Variants in SNX25 observed in about 807,000 individuals in gnomAD.
The protein encoded by SNX25 is sorting nexin-25.
Under a neutral mutation model 113.7 loss-of-function variants are expected in SNX25, and 62 were observed. The observed-to-expected ratio is 0.55, with a 90% CI of 0.44 to 0.67. The LOEUF is 0.67. Ranked by LOEUF, SNX25 falls within the 30% of genes least tolerant of loss-of-function variation. The pLI is 0.00. For synonymous variants in SNX25, 421 were observed against 436.2 expected (o/e 0.97, Z 0.43); for missense variants, 1,014 against 1,161.0 (o/e 0.87, Z 1.84).
At position 185,336,298 on chromosome 4, in the gene SNX25, G is replaced by A. The variant is rs370841194; in HGVS notation, c.1915-3081G>A. 1.3e-3 allele frequency among the ~76,000 whole-genome samples: 194 copies of A among 152,284 alleles called. 4 individuals are homozygous for A. The South Asian group carries it at 0.039, about 30-fold the overall frequency. ...CCAAGCAGTGTACATTGTACCCAGT[G>A]TGTAGTCTTTTATCCCTCATCCCCC... On this transcript the variant is annotated intron_variant, in intron 10 of 18. Coordinates refer to ENST00000652585, the MANE Select transcript of SNX25 (RefSeq NM_001378034.2).
At chr4:185,375,518 A>ATATATATATATATATG in the SNX25 span, 7 of 126,916 alleles carry the variant, frequency 5.5e-5, no homozygotes, top group African/African-American at 2.0e-4. Context: ...ATATATATGT[A>ATATATATATATATATG]TATATATATG....
At chr4:185,370,619 A>G (rs773121771), downstream of SNX25, 7 of 1,606,334 alleles carry the variant, frequency 4.4e-6, no homozygotes, top group Non-Finnish European at 6.0e-6. Context: ...GGGTGAATTT[A>G]TATTTTGTTC....
Position 185,265,589 on chromosome 4 carries a change from A to G in SNX25, c.904+979A>G, listed in dbSNP as rs368247361. 3.1e-4 allele frequency among the ~76,000 whole-genome samples: 47 copies of G among 152,344 alleles called. No individual in the cohort carries two copies. The East Asian group carries it at 4.2e-3, about 14-fold the overall frequency. ...GACTGTGCACCACTGCAGACTTCAT[A>G]AACAGTGTACGCTTAGGCTACACTA... On this transcript the variant is annotated intron_variant, in intron 4 of 18. Coordinates refer to ENST00000652585, the MANE Select transcript of SNX25 (RefSeq NM_001378034.2).
chr4:185,258,540 A>C (rs562605156), intron 2 of SNX25, among the ~76,000 whole-genome samples: 5 of 152,320 alleles, frequency 3.3e-5, no homozygotes, highest in Admixed American at 6.5e-5. Flanking sequence ...ACACTTCATA[A>C]GTGTATTGCC....
chr4:185,281,380 A>C (rs1038072512), intron 5 of SNX25, among the ~76,000 whole-genome samples: 11 of 152,070 alleles, frequency 7.2e-5, no homozygotes, highest in Non-Finnish European at 1.5e-4. Flanking sequence ...ATCTAATTTA[A>C]TGTGTATAAC....
At chr4:185,333,853 G>A (rs1030942615) in intron 10 of SNX25, among the ~76,000 whole-genome samples, 3 of 151,766 alleles carry the variant, frequency 2.0e-5, no homozygotes, top group Admixed American at 6.6e-5. Context: ...AGACCAGCCT[G>A]GGCAACATAG....
chr4:185,258,791 G>T (rs756423107), intron 2 of SNX25, 57 bp from the exon 3 acceptor site: 11 of 1,416,364 alleles, frequency 7.8e-6, no homozygotes, highest in Non-Finnish European at 1.1e-5. Flanking sequence ...TAGAAATGCA[G>T]TCTTGGTGTT....
At chr4:185,214,019 C>G (rs1350814462) in intron 1 of SNX25, among the ~76,000 whole-genome samples, 1 of 151,682 alleles carries the variant, frequency 6.6e-6, no homozygotes, top group African/African-American at 2.4e-5. Flanking sequence ...ACCGAGTACC[C>G]CTACTTTCCT....
At chr4:185,286,296 T>G (rs2126605209) in intron 5 of SNX25, among the ~76,000 whole-genome samples, 1 of 152,180 alleles carries the variant, frequency 6.6e-6, no homozygotes, top group African/African-American at 2.4e-5. Flanking sequence ...TTTAATTTTT[T>G]GTAGAGATGA....
At chr4:185,285,183 T>A (rs1359288764) in intron 5 of SNX25, among the ~76,000 whole-genome samples, 1 of 152,216 alleles carries the variant, frequency 6.6e-6, no homozygotes, top group Non-Finnish European at 1.5e-5. Flanking sequence ...CAATCATAAA[T>A]GTATGTGCCA....
chr4:185,235,821 C>G (rs143827699), intron 1 of SNX25, among the ~76,000 whole-genome samples: 64 of 152,340 alleles, frequency 4.2e-4, no homozygotes, highest in African/African-American at 1.5e-3. Context: ...ATTGCTTGAG[C>G]CCTGCGGAGA....
At chr4:185,263,636 A>G (rs1270757541) in intron 3 of SNX25, among the ~76,000 whole-genome samples, 1 of 152,152 alleles carries the variant, frequency 6.6e-6, no homozygotes, top group Non-Finnish European at 1.5e-5. Flanking sequence ...CACTAGTTTC[A>G]TTTCCTGTGC....
At position 185,341,242 on chromosome 4, in the gene SNX25, A is replaced by G. The variant is rs572253704; in HGVS notation, c.2047-734A>G. Among the ~76,000 whole-genome samples the G allele has an allele frequency of 1.5e-3, 220 of 148,828 alleles. 1 individual carries two copies. Among genetic ancestry groups the G allele is most frequent in the African/African-American group, 5.4e-3 (210 of 38,816 alleles). On this transcript the variant is annotated intron_variant, in intron 11 of 18. Transcript: ENST00000652585. Reference sequence around the variant, plus strand: ...ACGTGTGCACGCATGCACACATACAATATCTCAGTTGGGAGGTAAAGGAAA... The same window carrying G: ...ACGTGTGCACGCATGCACACATACAGTATCTCAGTTGGGAGGTAAAGGAAA...
Position 185,351,531 on chromosome 4 carries a change from C to T in SNX25, c.2388C>T (p.Asp796=), listed in dbSNP as rs758254232. Reference sequence around the variant, plus strand: ...CTCCTGACTACCTCAAGGTTATCGACGTGCAGGGGAAAAAAAATTCTTTTT... The same window carrying T: ...CTCCTGACTACCTCAAGGTTATCGATGTGCAGGGGAAAAAAAATTCTTTTT... ...SPSPDYLKVI[D]VQGKKNSFSL... The change falls in exon 14 of 19, where the codon GAC becomes GAT. Residue 796 remains aspartate, a synonymous_variant. Transcript: ENST00000652585. The T allele has an allele frequency of 1.7e-5, 27 of 1,613,994 alleles. No homozygotes were observed. Among genetic ancestry groups the T allele is most frequent in the Admixed American group, 6.7e-5 (4 of 59,986 alleles).
At chr4:185,236,216 A>G (rs1742610456) in intron 1 of SNX25, among the ~76,000 whole-genome samples, 1 of 152,140 alleles carries the variant, frequency 6.6e-6, no homozygotes, top group Admixed American at 6.5e-5. Context: ...TGGCCTTCCA[A>G]GAAGGTTTGC....
intron 1 of SNX25, among the ~76,000 whole-genome samples, chr4:185,230,463 A>G (rs1205085592): frequency 1.3e-5 from 2 of 149,366 alleles, no homozygotes; most frequent in Middle Eastern, 3.4e-3. Flanking sequence ...GCACAATATC[A>G]GCTCACGCAA....
chr4:185,344,690 G>C (rs149391635), intron 12 of SNX25, among the ~76,000 whole-genome samples: 1 of 152,272 alleles, frequency 6.6e-6, no homozygotes, highest in East Asian at 1.9e-4. Flanking sequence ...AAGCCACGCT[G>C]CTCCTTTACA....
rs747354150 is a variant in SNX25, at chr4:185,331,814, C to T, written c.1750-781C>T. The stretch of plus-strand genomic sequence containing the variant: ...AAACAAAAAAACCCATGACAACAGC[C>T]TATTTTTCTATGACCATTGGTACTT... On this transcript the variant is annotated intron_variant, in intron 9 of 18. Coordinates refer to ENST00000652585, the MANE Select transcript of SNX25 (RefSeq NM_001378034.2). Among the ~76,000 whole-genome samples, 4 of 152,238 alleles carry T rather than the reference C, an allele frequency of 2.6e-5. No individual in the cohort carries two copies. In the Middle Eastern group the frequency reaches 0.01, roughly 388 times the overall value.
chr4:185,310,431 G>GTT (rs34917964), intron 6 of SNX25, among the ~76,000 whole-genome samples: 12,868 of 151,832 alleles, frequency 0.085, 751 homozygotes, highest in African/African-American at 0.16. Flanking sequence ...TTTGTCAGTG[G>GTT]TATATTTAGA....
Sources: gnomAD v4.1 joint callset for allele counts (sites outside exome capture counted in the v4.1 genomes callset) on GRCh38, gnomAD v4.1.1 for gene constraint, MANE v1.5 for transcripts, NCBI Gene and HGNC (gene_info 2026-07-23, HGNC 2026-07-21) for gene names.